The following CDC16 variants were observed in gnomAD, a reference collection of about 807,000 sequenced individuals.
The protein encoded by CDC16 is cell division cycle 16, also known as cell division cycle protein 16 homolog.
Under a neutral mutation model 87.0 loss-of-function variants are expected in CDC16, and 34 were observed. The ratio of observed to expected loss-of-function variants is 0.39; its 90% CI spans 0.30 to 0.52. The LOEUF is 0.52. CDC16 is among the 20% of genes least tolerant of loss of function. The probability of loss-of-function intolerance (pLI) is 0.74; values close to 1 mark genes in which losing one functional copy is unlikely to be tolerated. For synonymous variants in CDC16, 263 were observed against 260.6 expected (o/e 1.01, Z -0.09); for missense variants, 653 against 751.9 (o/e 0.87, Z 1.54).
chr13:114,235,283 G>A, intron 1 of CDC16, 151 bp downstream of exon 1: 1 of 527,768 alleles, frequency 1.9e-6, no homozygotes. Flanking sequence ...CGCTGTCTCC[G>A]CCTCGCCCAG....
chr13:114,244,119 G>A, intron 8 of CDC16, 130 bp downstream of exon 8: 1 of 638,874 alleles, frequency 1.6e-6, no homozygotes, highest in Non-Finnish European at 2.7e-6. Context: ...CAATTGTAGA[G>A]CACTGAACAG....
intron 17 of CDC16, among the ~76,000 whole-genome samples, chr13:114,269,556 A>C (rs1348192079): frequency 3.3e-5 from 5 of 152,186 alleles, no homozygotes; most frequent in Non-Finnish European, 5.9e-5. Context: ...AGCTTTATTC[A>C]TTACAGCACC....
At chr13:114,246,873 A>G (rs934905221) in intron 10 of CDC16, 58 bp from the exon 11 acceptor site, 8 of 1,045,978 alleles carry the variant, frequency 7.6e-6, no homozygotes, top group Non-Finnish European at 1.2e-5. Flanking sequence ...TTTGTTGCAG[A>G]TTCCAATTAG....
At chr13:114,247,099 A>G (rs1371246338) in intron 11 of CDC16, 95 bp downstream of exon 11, 7 of 736,578 alleles carry the variant, frequency 9.5e-6, no homozygotes, top group African/African-American at 1.8e-5. Context: ...TTTAAAAGCA[A>G]TGTGAAAGAA....
intron 17 of CDC16, among the ~76,000 whole-genome samples, chr13:114,269,361 C>T (rs2083453301): frequency 6.7e-6 from 1 of 149,826 alleles, no homozygotes; most frequent in Admixed American, 6.6e-5. Context: ...GTCTCATAAG[C>T]TCAGAGTCAA....
chr13:114,245,389 T>G (rs1480367660), intron 9 of CDC16, among the ~76,000 whole-genome samples: 1 of 152,000 alleles, frequency 6.6e-6, no homozygotes, highest in African/African-American at 2.4e-5. Flanking sequence ...CATTTGACAT[T>G]TAGTTGTGTT....
At chr13:114,243,544 C>T (rs1426227447) in intron 7 of CDC16, among the ~76,000 whole-genome samples, 196 bp downstream of exon 7, 1 of 151,164 alleles carries the variant, frequency 6.6e-6, no homozygotes, top group Non-Finnish European at 1.5e-5. Context: ...TGAAAGACTC[C>T]TTATACTAAA....
chr13:114,243,498 CA>C (rs35430682), intron 7 of CDC16, 150 bp downstream of exon 7: 647 of 379,568 alleles, frequency 1.7e-3, no homozygotes, highest in South Asian at 2.8e-3. Context: ...CATAAGATTC[CA>C]AAAAAAAAAA....
intron 14 of CDC16, among the ~76,000 whole-genome samples, chr13:114,261,304 G>T (rs992549799): frequency 6.6e-6 from 1 of 152,078 alleles, no homozygotes; most frequent in Non-Finnish European, 1.5e-5. Flanking sequence ...GATTTAAGAA[G>T]GAAACAACCC....
intron 14 of CDC16, among the ~76,000 whole-genome samples, 156 bp from the exon 15 acceptor site, chr13:114,261,731 A>T (rs2082872005): frequency 6.6e-6 from 1 of 152,092 alleles, no homozygotes; most frequent in South Asian, 2.1e-4. Context: ...AAAGAAAGGG[A>T]GATAGATAAA....
At position 114,243,315 on chromosome 13, in the gene CDC16, G is replaced by T. The variant is rs2081655479; in HGVS notation, c.600G>T (p.Leu200Phe). The T allele has an allele frequency of 1.3e-6, 2 of 1,587,240 alleles. No homozygotes were observed. Among genetic ancestry groups the T allele is most frequent in the Non-Finnish European group, 1.7e-6 (2 of 1,156,050 alleles). Reference protein sequence around the residue: ...LSKLCNEEQELLRFLFENKLK... With the variant: ...LSKLCNEEQEFLRFLFENKLK... ...AGCTGTGTAATGAAGAACAGGAATT[G>T]CTGCGTTTTCTATTTGAGAACAAAT... is the stretch of plus-strand genomic sequence containing the variant. Residue 200 changes from leucine (L) to phenylalanine (F), a missense_variant, in exon 7 of 18, where the codon TTG becomes TTT. By Grantham distance (22) the Leu-to-Phe change is conservative (BLOSUM62 0). Transcript: ENST00000356221.
chr13:114,261,991 A>G, intron 15 of CDC16, 43 bp downstream of exon 15: 1 of 1,212,928 alleles, frequency 8.2e-7, no homozygotes. Context: ...TTTGTGTCTC[A>G]AAGTTTACTT....
chr13:114,259,094 TAA>T (rs5807005), intron 13 of CDC16, among the ~76,000 whole-genome samples: 2,272 of 111,378 alleles, frequency 0.02, 43 homozygotes, highest in African/African-American at 0.054. Flanking sequence ...GTGAGACTCT[TAA>T]AAAAAAAAAA....
intron 17 of CDC16, among the ~76,000 whole-genome samples, chr13:114,268,498 A>G (rs980510749): frequency 3.3e-5 from 5 of 152,114 alleles, no homozygotes. Flanking sequence ...TGTTGGTTAC[A>G]CCCTATGCAA....
rs1284878840 is a variant in CDC16 at position 114,236,697 on chromosome 13, G to A, written c.101G>A (p.Arg34His). 5.6e-6 allele frequency: 9 copies of A among 1,612,272 alleles called. No homozygotes were observed. The highest frequency in any genetic ancestry group is 2.2e-5 in the South Asian group (2 of 91,036). Residue 34 changes from arginine (R) to histidine (H), a missense_variant and splice_region_variant, in exon 2 of 18, where the codon CGT (arginine) becomes CAT (histidine). Transcript: ENST00000356221. Reference sequence around the variant, plus strand: ...GCAGATAAAGTAGCTTCACTCTCTCGTGGTAAGTGACAAAATGCTAACTGG... The same window carrying A: ...GCAGATAAAGTAGCTTCACTCTCTCATGGTAAGTGACAAAATGCTAACTGG... ...FWADKVASLS[R>H]EEPQDIYWLA...
intron 11 of CDC16, among the ~76,000 whole-genome samples, chr13:114,247,624 T>C (rs557514861): frequency 1.3e-5 from 2 of 152,186 alleles, no homozygotes; most frequent in African/African-American, 2.4e-5. Flanking sequence ...ACACCTGTTA[T>C]GCCAGCACTT....
chr13:114,244,966 A>G lies in CDC16; in HGVS notation c.844A>G (p.Asn282Asp). ...IGTLVELNKA[N>D]ELFYLSHKLV... is the part of the protein sequence containing the mutation. ...GACGCTTGTAGAGCTGAATAAAGCC[A>G]ATGGTAAGACTTTTTTTTAAATTAA... is the stretch of plus-strand genomic sequence containing the variant. Residue 282 changes from asparagine (N) to aspartate (D), a missense_variant, in exon 9 of 18, where the codon AAT becomes GAT. Asn to Asp is a conservative substitution (Grantham distance 23, BLOSUM62 1). Transcript: ENST00000356221. 1 of 1,559,328 alleles carries G rather than the reference A, an allele frequency of 6.4e-7. No homozygotes were observed.
At chr13:114,271,469 G>C (rs2083649956) in intron 17 of CDC16, among the ~76,000 whole-genome samples, 2 of 151,500 alleles carry the variant, frequency 1.3e-5, no homozygotes, top group South Asian at 4.2e-4. Context: ...ATACCCAATG[G>C]GCACAGCACA....
chr13:114,234,971 C>A lies in CDC16; in HGVS notation c.-114C>A. ...CCTTCGAGTCCGCGGCCTTCGAGTC[C>A]TGGGGCGGCGGCGGCGGCTGCAGGC... is the stretch of plus-strand genomic sequence containing the variant. On this transcript the variant is annotated 5_prime_UTR_variant, in exon 1 of 18. The change creates a new upstream start codon in the 5' untranslated region. Transcript: ENST00000356221. The A allele has an allele frequency of 1.2e-6, 1 of 807,172 alleles. No individual in the cohort carries two copies. Among genetic ancestry groups the A allele is most frequent in the Non-Finnish European group, 1.7e-6 (1 of 605,554 alleles). 50.0% of individuals were successfully genotyped at this position (807,172 alleles called of 1,614,324 possible).
Sources: allele counts gnomAD v4.1 joint callset (sites outside exome capture counted in the v4.1 genomes callset), GRCh38; gene constraint gnomAD v4.1.1; transcripts MANE v1.5; gene names NCBI Gene and HGNC (gene_info 2026-07-23, HGNC 2026-07-21).